The following NBAS variants were observed in gnomAD, a reference collection of about 807,000 sequenced individuals.
The protein encoded by NBAS is NAG/BC035112 fusion.
In NBAS, 219 loss-of-function variants were observed where a neutral mutation model predicts 302.5. The ratio of observed to expected loss-of-function variants is 0.72; its 90% CI spans 0.65 to 0.81. The LOEUF (loss-of-function observed/expected upper bound fraction) is 0.81. Among genes scored for constraint, NBAS ranks in the 30% least tolerant of loss-of-function variants. The pLI is 0.00. For synonymous variants in NBAS, 1,118 were observed against 1,021.6 expected, an observed-to-expected ratio of 1.09 and a Z score of -1.80; for missense variants, 2,932 against 2,841.6, an observed-to-expected ratio of 1.03 and a Z score of -0.72.
the NBAS span, among the ~76,000 whole-genome samples, chr2:14,979,091 T>C: frequency 6.6e-6 from 1 of 152,204 alleles, no homozygotes; most frequent in Non-Finnish European, 1.5e-5. Flanking sequence ...GAAATGCCTA[T>C]GCCACAGGGA....
intron 30 of NBAS, among the ~76,000 whole-genome samples, chr2:15,375,242 G>GA (rs1255646219): frequency 6.6e-6 from 1 of 152,180 alleles, no homozygotes; most frequent in African/African-American, 2.4e-5. Flanking sequence ...ACAGTTCTGA[G>GA]ATGAACCATA....
At chr2:15,115,360 T>C in the NBAS span, among the ~76,000 whole-genome samples, 1 of 152,234 alleles carries the variant, frequency 6.6e-6, no homozygotes, top group Admixed American at 6.5e-5. Context: ...AATGTAAAAC[T>C]TAGATTTGAT....
chr2:14,983,010 T>C, the NBAS span, among the ~76,000 whole-genome samples: 3 of 152,170 alleles, frequency 2.0e-5, no homozygotes, highest in Non-Finnish European at 2.9e-5. Context: ...ACCACTTCCA[T>C]TGTAAGCAGA....
At chr2:14,890,390 T>C in the NBAS span, 1 of 152,214 alleles carries the variant, frequency 6.6e-6, no homozygotes, top group Non-Finnish European at 1.5e-5. Context: ...AAAAATATAA[T>C]GCTAGCATAT....
intron 36 of NBAS, among the ~76,000 whole-genome samples, chr2:15,330,022 C>T (rs776600732): frequency 8.5e-5 from 13 of 152,184 alleles, no homozygotes; most frequent in Non-Finnish European, 1.5e-4. Context: ...GGACATTTGA[C>T]AGGAAAATAA....
the NBAS span, among the ~76,000 whole-genome samples, chr2:15,013,175 C>T: frequency 6.6e-6 from 1 of 152,146 alleles, no homozygotes; most frequent in Non-Finnish European, 1.5e-5. Flanking sequence ...GGAAATTTAT[C>T]ACAACTAGTC....
At chr2:15,355,083 T>C (rs561519767) in intron 33 of NBAS, among the ~76,000 whole-genome samples, 1 of 152,216 alleles carries the variant, frequency 6.6e-6, no homozygotes. Context: ...ATAGTCCTTG[T>C]TGTTATTAAC....
At position 15,249,048 on chromosome 2, in the gene NBAS, C is replaced by A. The variant is rs552018870; in HGVS notation, c.5725-10362G>T. On this transcript the variant is annotated intron_variant, in intron 44 of 51. Coordinates refer to ENST00000281513, the MANE Select transcript of NBAS (RefSeq NM_015909.4). ...TCAGGCCAATATCCCTGATGAACAT[C>A]GATGCAAAAATCCTCAATAAAATAC... is the stretch of plus-strand genomic sequence containing the variant. Among the ~76,000 whole-genome samples the A allele has an allele frequency of 2.2e-3, 335 of 152,170 alleles. 1 individual carries two copies. The highest frequency in any genetic ancestry group is 7.8e-3 in the African/African-American group (322 of 41,534).
At chr2:15,197,459 A>C (rs944398615) in intron 48 of NBAS, among the ~76,000 whole-genome samples, 7 of 152,194 alleles carry the variant, frequency 4.6e-5, no homozygotes, top group African/African-American at 1.7e-4. Flanking sequence ...TCAATTCCAC[A>C]AACACTAACT....
chr2:14,981,681 A>G, the NBAS span, among the ~76,000 whole-genome samples: 1 of 152,254 alleles, frequency 6.6e-6, no homozygotes, highest in African/African-American at 2.4e-5. Flanking sequence ...TTTCTGGGCC[A>G]AAGTGATTAA....
the NBAS span, among the ~76,000 whole-genome samples, chr2:14,809,863 G>A: frequency 6.6e-6 from 1 of 152,180 alleles, no homozygotes; most frequent in Non-Finnish European, 1.5e-5. Context: ...AGCTGCCCAA[G>A]ACCAAGGGAA....
Position 15,417,547 on chromosome 2 carries a change from G to A in NBAS, c.2743C>T (p.Leu915=), listed in dbSNP as rs1401490604. 3 of 1,613,452 alleles carry A rather than the reference G, an allele frequency of 1.9e-6. No individual in the cohort carries two copies. The highest frequency in any genetic ancestry group is 1.6e-4 in the Middle Eastern group (1 of 6,082). The change falls in exon 24 of 52, where the codon CTA becomes TTA. Residue 915 remains leucine, a synonymous_variant. Coordinates refer to ENST00000281513, the MANE Select transcript of NBAS (RefSeq NM_015909.4). ...CCTACACTATTCATCAGTAATCTTAGTTTTTCAATGTCTTTCATCTGCTGG... is the reference window on the plus strand; with the variant it reads ...CCTACACTATTCATCAGTAATCTTAATTTTTCAATGTCTTTCATCTGCTGG... ...ELQQMKDIEK[L]RLLMNSCSED... is the part of the protein sequence containing the mutation.
chr2:14,890,856 A>AC, the NBAS span: 18,909 of 160,804 alleles, frequency 0.12, 2,319 homozygotes, highest in African/African-American at 0.32. Flanking sequence ...AACAACAACA[A>AC]AAAAAAACAT....
At chr2:15,427,216 G>A (rs1677522222) in intron 22 of NBAS, among the ~76,000 whole-genome samples, 1 of 152,172 alleles carries the variant, frequency 6.6e-6, no homozygotes, top group South Asian at 2.1e-4. Context: ...AGACAGTGAA[G>A]GAGTATTTAC....
At chr2:15,339,926 A>G (rs1672769626) in intron 35 of NBAS, among the ~76,000 whole-genome samples, 1 of 149,506 alleles carries the variant, frequency 6.7e-6, no homozygotes, top group South Asian at 2.1e-4. Context: ...GCAAAAAGGA[A>G]AAAAAAAAAA....
At chr2:14,787,728 G>A in the NBAS span, among the ~76,000 whole-genome samples, 27 of 152,278 alleles carry the variant, frequency 1.8e-4, no homozygotes, top group Admixed American at 1.4e-3. Context: ...TGGGTAACCC[G>A]ACCTTTCTCT....
At chr2:15,498,968 C>G (rs1195726704) in intron 11 of NBAS, among the ~76,000 whole-genome samples, 1 of 150,664 alleles carries the variant, frequency 6.6e-6, no homozygotes, top group Non-Finnish European at 1.5e-5. Context: ...TGCTCCATCG[C>G]CCAGGTTGGA....
At chr2:15,522,510 T>C (rs1016033166) in intron 9 of NBAS, among the ~76,000 whole-genome samples, 6 of 152,178 alleles carry the variant, frequency 3.9e-5, no homozygotes, top group African/African-American at 1.4e-4. Flanking sequence ...AGTGAATAAA[T>C]AGCTCTGTGG....
the NBAS span, among the ~76,000 whole-genome samples, chr2:14,999,859 T>C: frequency 3.3e-5 from 5 of 152,200 alleles, no homozygotes; most frequent in Non-Finnish European, 5.9e-5. Context: ...GCTCCACAAA[T>C]ATTCAAAATT....
Sources: allele counts gnomAD v4.1 joint callset (sites outside exome capture counted in the v4.1 genomes callset), GRCh38; gene constraint gnomAD v4.1.1; transcripts MANE v1.5; gene names NCBI Gene and HGNC (gene_info 2026-07-23, HGNC 2026-07-21).